Variants in THSD7A observed in about 807,000 individuals in gnomAD.
THSD7A encodes the protein thrombospondin type-1 domain-containing protein 7A.
A neutral mutation model predicts 231.3 loss-of-function variants in THSD7A; 96 were observed. The ratio of observed to expected loss-of-function variants is 0.41; its 90% CI spans 0.35 to 0.49. THSD7A has a LOEUF of 0.49. Ranked by LOEUF, THSD7A falls within the 20% of genes least tolerant of loss-of-function variation. The pLI is 0.05. For missense variants in THSD7A, 2,290 were observed against 2,070.2 expected, an observed-to-expected ratio of 1.11 and a Z score of -2.06; for synonymous variants, 940 against 743.3, an observed-to-expected ratio of 1.26 and a Z score of -4.30.
At chr7:11,820,562 CT>C (rs1784844780) in intron 1 of THSD7A, 1 of 717,708 alleles carries the variant, frequency 1.4e-6, no homozygotes, top group Admixed American at 2.5e-5. Flanking sequence ...CATTGTTACT[CT>C]TGTTATTGTT....
chr7:11,742,205 C>CAGAT (rs1400992678), intron 1 of THSD7A, among the ~76,000 whole-genome samples: 1 of 151,824 alleles, frequency 6.6e-6, no homozygotes, highest in Non-Finnish European at 1.5e-5. Context: ...AGTATAAGAA[C>CAGAT]AGATATAAAT....
intron 6 of THSD7A, among the ~76,000 whole-genome samples, chr7:11,486,160 A>C (rs1786647923): frequency 6.6e-6 from 1 of 152,230 alleles, no homozygotes; most frequent in East Asian, 1.9e-4. Flanking sequence ...GGTTAATTGA[A>C]TCTTACTTAT....
intron 1 of THSD7A, among the ~76,000 whole-genome samples, chr7:11,697,105 T>C (rs946388388): frequency 6.6e-6 from 1 of 151,482 alleles, no homozygotes; most frequent in Non-Finnish European, 1.5e-5. Flanking sequence ...AGATTTATGG[T>C]TCTTTCAACA....
intron 1 of THSD7A, among the ~76,000 whole-genome samples, chr7:11,770,867 C>G (rs1338155566): frequency 6.6e-6 from 1 of 151,806 alleles, no homozygotes; most frequent in Admixed American, 6.6e-5. Flanking sequence ...GAAATCTTTT[C>G]AATGTATTTT....
At chr7:11,652,033 A>T (rs1337246421) in intron 1 of THSD7A, among the ~76,000 whole-genome samples, 1 of 151,966 alleles carries the variant, frequency 6.6e-6, no homozygotes, top group Middle Eastern at 3.2e-3. Context: ...CTAGAAGCAT[A>T]TTTTATTCCT....
At chr7:11,800,969 A>ACCT (rs1249481058) in intron 1 of THSD7A, among the ~76,000 whole-genome samples, 25 of 152,216 alleles carry the variant, frequency 1.6e-4, no homozygotes, top group South Asian at 4.1e-4. Context: ...GGTCAAAGTG[A>ACCT]TGGTATCAAG....
intron 6 of THSD7A, among the ~76,000 whole-genome samples, chr7:11,528,283 T>G (rs1327945286): frequency 6.6e-6 from 1 of 152,188 alleles, no homozygotes; most frequent in Non-Finnish European, 1.5e-5. Flanking sequence ...TTATCAAATT[T>G]ATATAGTGAC....
chr7:11,712,448 T>A (rs559244066), intron 1 of THSD7A, among the ~76,000 whole-genome samples: 1 of 151,130 alleles, frequency 6.6e-6, no homozygotes, highest in East Asian at 2.0e-4. Flanking sequence ...TACACAGAAG[T>A]CACCTAATCT....
At chr7:11,708,655 C>A (rs1255024732) in intron 1 of THSD7A, among the ~76,000 whole-genome samples, 1 of 150,702 alleles carries the variant, frequency 6.6e-6, no homozygotes, top group African/African-American at 2.4e-5. Context: ...ATTATTTTCT[C>A]CACTCACTCT....
At chr7:11,534,298 G>T (rs1224809510) in intron 6 of THSD7A, among the ~76,000 whole-genome samples, 1 of 152,168 alleles carries the variant, frequency 6.6e-6, no homozygotes, top group Non-Finnish European at 1.5e-5. Flanking sequence ...AATCTGGATT[G>T]TCACTTGTGA....
chr7:11,542,958 C>A lies in THSD7A; in HGVS notation c.1609+4G>T, dbSNP rs1050686542. The A allele has an allele frequency of 2.5e-6, 4 of 1,612,310 alleles. No individual in the cohort carries two copies. The highest frequency in any genetic ancestry group is 3.4e-6 in the Non-Finnish European group (4 of 1,179,240). ...AAAAGGCATGTCATGGTCACGTTACCTACCTTTTTTCCCTTGCTGATCATT... is the reference window on the plus strand; with the variant it reads ...AAAAGGCATGTCATGGTCACGTTACATACCTTTTTTCCCTTGCTGATCATT... On this transcript the variant is annotated splice_donor_region_variant and intron_variant, in intron 5 of 27. Coordinates refer to ENST00000423059, the MANE Select transcript of THSD7A (RefSeq NM_015204.3).
intron 1 of THSD7A, among the ~76,000 whole-genome samples, chr7:11,794,590 G>A (rs2355091): frequency 0.81 from 122,996 of 151,942 alleles, 50,376 homozygotes; most frequent in African/African-American, 0.94. Flanking sequence ...AGCAGAAAGC[G>A]GTATTGCTAA....
At position 11,685,495 on chromosome 7, in the gene THSD7A, CAG is replaced by C. The variant is rs1379786733; in HGVS notation, c.191-48536_191-48535del. Among the ~76,000 whole-genome samples the C allele has an allele frequency of 6.6e-5, 10 of 151,970 alleles. No homozygotes were observed. In the South Asian group the frequency reaches 2.1e-3, roughly 32 times the overall value. Reference sequence around the variant, plus strand: ...ATGCATCTGACAAAGGCCTAATATCCAGAGTCTGCAAGGAACTTAAACAAATC... The same window carrying C: ...ATGCATCTGACAAAGGCCTAATATCCAGTCTGCAAGGAACTTAAACAAATC... On this transcript the variant is annotated intron_variant, in intron 1 of 27. Coordinates refer to ENST00000423059, the MANE Select transcript of THSD7A (RefSeq NM_015204.3).
intron 6 of THSD7A, among the ~76,000 whole-genome samples, chr7:11,484,471 C>T (rs1466316676): frequency 6.6e-6 from 1 of 152,206 alleles, no homozygotes; most frequent in African/African-American, 2.4e-5. Flanking sequence ...ACCATACACA[C>T]TCTCCCAGTC....
At chr7:11,744,147 T>C (rs1246362624) in intron 1 of THSD7A, among the ~76,000 whole-genome samples, 3 of 151,890 alleles carry the variant, frequency 2.0e-5, no homozygotes, top group African/African-American at 7.2e-5. Flanking sequence ...GATACCTGCA[T>C]GTAAATGTTT....
intron 1 of THSD7A, among the ~76,000 whole-genome samples, chr7:11,651,145 G>A (rs572828299): frequency 6.6e-6 from 1 of 152,138 alleles, no homozygotes; most frequent in East Asian, 1.9e-4. Flanking sequence ...ACACGGATGA[G>A]CCTGGAAAGA....
chr7:11,411,289 A>G lies in THSD7A; in HGVS notation c.3716T>C (p.Val1239Ala). Residue 1239 changes from valine to alanine, a missense_variant, in exon 19 of 28, where the codon GTT (valine) becomes GCT (alanine). Coordinates refer to ENST00000423059, the MANE Select transcript of THSD7A (RefSeq NM_015204.3). This position sits in a 1 kb window ranked among gnomAD's most constrained non-coding sequence, Gnocchi z 4.1. ...CCTTGTTTTTATTCCATTTCCACAA[A>G]CTGCCTTCTCACTCAGCTGACATGT... ...WSTCQLSEKAVCGNGIKTRML... is the reference protein window; with the variant it reads ...WSTCQLSEKAACGNGIKTRML... 6.2e-7 allele frequency: 1 copy of G among 1,613,876 alleles called. No homozygotes were observed. The highest frequency in any genetic ancestry group is 8.5e-7 in the Non-Finnish European group (1 of 1,179,820).
intron 13 of THSD7A, among the ~76,000 whole-genome samples, chr7:11,434,946 G>A (rs1239207290): frequency 6.6e-6 from 1 of 151,680 alleles, no homozygotes; most frequent in Non-Finnish European, 1.5e-5. Context: ...ATCAATATTA[G>A]GCAATTAATT....
At chr7:11,464,262 G>A (rs1372797732) in intron 9 of THSD7A, among the ~76,000 whole-genome samples, 2 of 151,948 alleles carry the variant, frequency 1.3e-5, no homozygotes, top group Non-Finnish European at 2.9e-5. Context: ...GAGGTAAGAC[G>A]TAAAGGGCTC....
Sources: gnomAD v4.1 joint callset for allele counts (sites outside exome capture counted in the v4.1 genomes callset) on GRCh38, gnomAD v4.1.1 for gene constraint, Gnocchi (gnomAD v3.1) non-coding constraint, MANE v1.5 for transcripts, NCBI Gene and HGNC (gene_info 2026-07-23, HGNC 2026-07-21) for gene names.